CNTNAP5: variants seen among roughly 807,000 people sequenced by gnomAD.
CNTNAP5 encodes contactin associated protein family member 5, also known as contactin-associated protein-like 5.
Under a neutral mutation model 150.2 loss-of-function variants are expected in CNTNAP5, and 72 were observed. The ratio of observed to expected loss-of-function variants is 0.48; its 90% CI spans 0.40 to 0.58. The LOEUF (loss-of-function observed/expected upper bound fraction) is 0.58, where lower values mean the gene tolerates loss of function less well. Among genes scored for constraint, CNTNAP5 ranks in the 20% least tolerant of loss-of-function variants. The pLI is 0.00. For synonymous variants in CNTNAP5, 672 were observed against 619.8 expected (o/e 1.08, Z -1.25); for missense variants, 1,636 against 1,626.2 (o/e 1.01, Z -0.10).
chr2:124,577,043 C>T (rs1330302310), intron 11 of CNTNAP5, among the ~76,000 whole-genome samples: 2 of 152,116 alleles, frequency 1.3e-5, no homozygotes, highest in African/African-American at 4.8e-5. Flanking sequence ...CTGATAAATA[C>T]CTCCTGTTAT....
At chr2:124,773,765 G>C (rs1017190717) in intron 17 of CNTNAP5, among the ~76,000 whole-genome samples, 4 of 145,516 alleles carry the variant, frequency 2.7e-5, no homozygotes. Flanking sequence ...TAATCCTCTG[G>C]TGTGTGTGTG....
chr2:124,607,098 A>T (rs528271698), intron 11 of CNTNAP5, among the ~76,000 whole-genome samples: 2 of 152,320 alleles, frequency 1.3e-5, no homozygotes, highest in East Asian at 3.9e-4. Context: ...CTAATGAGAC[A>T]ATTTATACTT....
intron 14 of CNTNAP5, among the ~76,000 whole-genome samples, chr2:124,750,964 C>T (rs1680712288): frequency 8.5e-6 from 1 of 118,234 alleles, no homozygotes; most frequent in Non-Finnish European, 1.6e-5. Context: ...AGCCTAGTGA[C>T]AGATTGAGAC....
At chr2:124,643,411 G>A (rs1446536646) in intron 12 of CNTNAP5, among the ~76,000 whole-genome samples, 1 of 151,966 alleles carries the variant, frequency 6.6e-6, no homozygotes, top group Non-Finnish European at 1.5e-5. Context: ...GTACTAAAGA[G>A]CAAATTATCT....
intron 6 of CNTNAP5, among the ~76,000 whole-genome samples, chr2:124,462,531 G>T (rs1172814549): frequency 2.0e-5 from 3 of 152,106 alleles, no homozygotes; most frequent in African/African-American, 7.2e-5. Context: ...ATGAACTAAA[G>T]GAGCAAATGG....
At chr2:124,468,809 A>G (rs1693439061) in intron 6 of CNTNAP5, among the ~76,000 whole-genome samples, 2 of 152,032 alleles carry the variant, frequency 1.3e-5, no homozygotes, top group Admixed American at 6.6e-5. Flanking sequence ...GGTCCTGGGG[A>G]CCCTCAGTTG....
intron 1 of CNTNAP5, among the ~76,000 whole-genome samples, chr2:124,057,822 G>T (rs946669158): frequency 6.6e-6 from 1 of 151,980 alleles, no homozygotes; most frequent in East Asian, 1.9e-4. Context: ...GGTACAAAAA[G>T]TAGTTAATTG....
chr2:124,125,871 A>C (rs916995727), intron 1 of CNTNAP5, among the ~76,000 whole-genome samples: 10 of 152,118 alleles, frequency 6.6e-5, no homozygotes, highest in Admixed American at 2.0e-4. Context: ...CCCGTGAGAA[A>C]AAAGACACAA....
intron 1 of CNTNAP5, among the ~76,000 whole-genome samples, chr2:124,122,679 C>G (rs1050091903): frequency 6.6e-6 from 1 of 151,898 alleles, no homozygotes; most frequent in Non-Finnish European, 1.5e-5. Context: ...TATTGTGTGC[C>G]AGATCCCTTA....
chr2:124,570,909 C>T (rs1384930469), intron 11 of CNTNAP5, among the ~76,000 whole-genome samples: 1 of 152,114 alleles, frequency 6.6e-6, no homozygotes, highest in Non-Finnish European at 1.5e-5. Flanking sequence ...CTCTGACAGC[C>T]TAGTGTCAAA....
At chr2:124,090,998 A>G (rs765744912) in intron 1 of CNTNAP5, among the ~76,000 whole-genome samples, 1 of 152,254 alleles carries the variant, frequency 6.6e-6, no homozygotes, top group Non-Finnish European at 1.5e-5. Context: ...AGAATGAGAC[A>G]GAAGTGAAGA....
intron 13 of CNTNAP5, among the ~76,000 whole-genome samples, chr2:124,730,659 A>G (rs1044555467): frequency 9.9e-5 from 15 of 152,108 alleles, no homozygotes; most frequent in Non-Finnish European, 1.8e-4. Context: ...TATAAGACAC[A>G]AAGTATATTT....
chr2:124,562,556 T>C (rs1470190815), intron 10 of CNTNAP5, among the ~76,000 whole-genome samples: 19 of 152,240 alleles, frequency 1.2e-4, no homozygotes, highest in Admixed American at 1.2e-3. Context: ...TCAGTGTGAT[T>C]GCTGATTCTA....
At chr2:124,594,492 C>G (rs1696774959) in intron 11 of CNTNAP5, among the ~76,000 whole-genome samples, 1 of 151,732 alleles carries the variant, frequency 6.6e-6, no homozygotes, top group East Asian at 2.0e-4. Context: ...TTCCATTGAT[C>G]TATATCTCTG....
chr2:124,316,432 G>T (rs1038918821), intron 3 of CNTNAP5, among the ~76,000 whole-genome samples: 1 of 152,138 alleles, frequency 6.6e-6, no homozygotes, highest in African/African-American at 2.4e-5. Context: ...ACTGTTAAAA[G>T]GTTCACACTG....
intron 10 of CNTNAP5, among the ~76,000 whole-genome samples, chr2:124,558,048 C>A (rs1175189530): frequency 6.6e-6 from 1 of 151,992 alleles, no homozygotes; most frequent in African/African-American, 2.4e-5. Context: ...AAATAGGGAG[C>A]CAGAGGAGAC....
At chr2:124,815,694 T>C (rs926159179) in intron 19 of CNTNAP5, among the ~76,000 whole-genome samples, 3 of 152,150 alleles carry the variant, frequency 2.0e-5, no homozygotes, top group African/African-American at 4.8e-5. Flanking sequence ...CATGAAAATA[T>C]ACAACTCCAG....
intron 1 of CNTNAP5, among the ~76,000 whole-genome samples, chr2:124,158,112 A>C (rs1558779703): frequency 6.6e-6 from 1 of 152,192 alleles, no homozygotes; most frequent in Non-Finnish European, 1.5e-5. Flanking sequence ...TCCTGGAGCC[A>C]CTGAACCTTT....
rs574332559 is a variant in CNTNAP5 at position 124,162,622 on chromosome 2, T to C, written c.83-59083T>C. 1.6e-3 allele frequency among the ~76,000 whole-genome samples: 237 copies of C among 152,294 alleles called. 2 individuals are homozygous for C. The highest frequency in any genetic ancestry group is 5.4e-3 in the African/African-American group (225 of 41,562). On this transcript the variant is annotated intron_variant, in intron 1 of 23. Coordinates refer to ENST00000682447, the MANE Select transcript of CNTNAP5 (RefSeq NM_001367498.1). ...TCTTTATTTCTGTCCTACCCCCACA[T>C]GTAGTGTGAAATGAAGAGTGAAAAG... is the stretch of plus-strand genomic sequence containing the variant.
Sources: allele counts gnomAD v4.1 joint callset (sites outside exome capture counted in the v4.1 genomes callset), GRCh38; gene constraint gnomAD v4.1.1; transcripts MANE v1.5; gene names NCBI Gene and HGNC (gene_info 2026-07-23, HGNC 2026-07-21).